ALG9: variants seen among roughly 807,000 people sequenced by gnomAD.
ALG9 encodes the protein alpha-1,2-mannosyltransferase ALG9.
ALG9 carries 55 observed loss-of-function variants against 81.8 expected under a neutral mutation model. The ratio of observed to expected loss-of-function variants is 0.67; its 90% CI spans 0.54 to 0.84. ALG9 has a LOEUF of 0.84. Among genes scored for constraint, ALG9 ranks in the 40% least tolerant of loss-of-function variants. The pLI is 0.00. For missense variants in ALG9, 629 were observed against 745.0 expected, an observed-to-expected ratio of 0.84 and a Z score of 1.81; for synonymous variants, 278 against 274.3, an observed-to-expected ratio of 1.01 and a Z score of -0.13.
rs782449263 is a variant in ALG9 at position 111,870,230 on chromosome 11, A to T, written c.270+2T>A. On this transcript the variant is annotated splice_donor_variant, in intron 2 of 14. Transcript: ENST00000616540. LOFTEE classifies it high-confidence loss of function. ...AAAGAGAAAACTAAAGAAATCACCT[A>T]CTGGCTCCCAGTAGTTGAATGTTTC... The T allele has an allele frequency of 6.2e-7, 1 of 1,608,410 alleles. No individual in the cohort carries two copies. Among genetic ancestry groups the T allele is most frequent in the Non-Finnish European group, 8.5e-7 (1 of 1,178,516 alleles).
At chr11:111,847,776 G>A (rs374224710) in intron 8 of ALG9, among the ~76,000 whole-genome samples, 1 of 152,008 alleles carries the variant, frequency 6.6e-6, no homozygotes, top group South Asian at 2.1e-4. Context: ...TCAACAAAAG[G>A]GTCTGGTACA....
chr11:111,829,589 A>T (rs1352031236), intron 13 of ALG9, among the ~76,000 whole-genome samples: 1 of 152,222 alleles, frequency 6.6e-6, no homozygotes, highest in Non-Finnish European at 1.5e-5. Flanking sequence ...ACCACTCCAG[A>T]TGTAAACAAA....
chr11:111,870,241 G>A lies in ALG9; in HGVS notation c.261C>T (p.Tyr87=). 2 of 1,609,858 alleles carry A rather than the reference G, an allele frequency of 1.2e-6. No homozygotes were observed. Among genetic ancestry groups the A allele is most frequent in the South Asian group, 1.1e-5 (1 of 89,786 alleles). The change falls in exon 2 of 15, where the codon TAC becomes TAT. Residue 87 remains tyrosine (Y), a synonymous_variant. Transcript: ENST00000616540. ...NISDCDETFN[Y]WEPTHYLIYG... ...TAAAGAAATCACCTACTGGCTCCCA[G>A]TAGTTGAATGTTTCATCACAGTCAG...
At chr11:111,852,375 G>A (rs1957963195) in intron 8 of ALG9, among the ~76,000 whole-genome samples, 1 of 152,190 alleles carries the variant, frequency 6.6e-6, no homozygotes, top group Admixed American at 6.5e-5. Flanking sequence ...TCCTTCAGGG[G>A]CCAAATGAAA....
chr11:111,863,783 C>A (rs1327485829), intron 4 of ALG9, among the ~76,000 whole-genome samples: 2 of 152,088 alleles, frequency 1.3e-5, no homozygotes, highest in African/African-American at 4.8e-5. Context: ...CAGTGATATC[C>A]CACACCGGGA....
intron 8 of ALG9, among the ~76,000 whole-genome samples, chr11:111,848,361 T>C (rs1368604969): frequency 3.3e-5 from 5 of 151,922 alleles, no homozygotes; most frequent in African/African-American, 4.8e-5. Context: ...GCCAGGAAAG[T>C]GTAGAAAGGT....
intron 14 of ALG9, among the ~76,000 whole-genome samples, chr11:111,796,896 C>T (rs1348165619): frequency 6.6e-6 from 1 of 152,124 alleles, no homozygotes; most frequent in African/African-American, 2.4e-5. Flanking sequence ...GAGGGAAGCA[C>T]CATCTGAAGC....
At chr11:111,840,849 G>GAACAA in intron 9 of ALG9, 40 bp from the exon 10 acceptor site, 1 of 1,609,314 alleles carries the variant, frequency 6.2e-7, no homozygotes, top group Non-Finnish European at 8.5e-7. Flanking sequence ...CATTATATTA[G>GAACAA]AACAAAACAA....
intron 10 of ALG9, among the ~76,000 whole-genome samples, chr11:111,838,635 T>G (rs1250409343): frequency 2.0e-5 from 3 of 152,214 alleles, no homozygotes; most frequent in Admixed American, 6.5e-5. Flanking sequence ...ATTATTTGAA[T>G]ATTTTGCTAG....
chr11:111,840,513 T>C, intron 10 of ALG9, 142 bp downstream of exon 10: 1 of 972,778 alleles, frequency 1.0e-6, no homozygotes, highest in Non-Finnish European at 1.6e-6. Context: ...TAAGAAGGTT[T>C]AATAATATGA....
intron 4 of ALG9, among the ~76,000 whole-genome samples, chr11:111,861,145 A>G (rs545958415): frequency 6.6e-6 from 1 of 152,376 alleles, no homozygotes; most frequent in Admixed American, 6.5e-5. Flanking sequence ...GCTAGGAGAT[A>G]GATGAAAATG....
In ALG9 at chr11:111,868,719, A is replaced by G. The variant is rs782662406; in HGVS notation, c.288T>C (p.Tyr96=). 2.5e-6 allele frequency: 4 copies of G among 1,612,970 alleles called. No homozygotes were observed. The highest frequency in any genetic ancestry group is 1.3e-5 in the African/African-American group (1 of 75,050). The change falls in exon 3 of 15, where the codon TAT becomes TAC. Residue 96 remains tyrosine (Y), a synonymous_variant. Transcript: ENST00000616540. ...NYWEPTHYLI[Y]GEGFQTWEYS... ...ATTCCCAAGTCTGAAACCCTTCCCC[A>G]TAGATGAGGTAGTGTGTCTAAAAAT...
At chr11:111,773,693 T>C in the ALG9 span, among the ~76,000 whole-genome samples, 1 of 151,880 alleles carries the variant, frequency 6.6e-6, no homozygotes, top group African/African-American at 2.4e-5. Flanking sequence ...AAATGTTTTG[T>C]TATGGTGTTA....
chr11:111,772,064 T>C, the ALG9 span, among the ~76,000 whole-genome samples: 135 of 152,342 alleles, frequency 8.9e-4, 5 homozygotes, highest in East Asian at 0.021. Context: ...TCACCACATA[T>C]AACAAAGGTA....
intron 13 of ALG9, among the ~76,000 whole-genome samples, chr11:111,828,499 A>G (rs1953763411): frequency 1.3e-5 from 2 of 152,330 alleles, no homozygotes; most frequent in Admixed American, 6.5e-5. Context: ...AAATTGGTAA[A>G]CCACATCTAT....
intron 13 of ALG9, among the ~76,000 whole-genome samples, chr11:111,830,766 G>A (rs1220542918): frequency 6.6e-6 from 1 of 152,170 alleles, no homozygotes; most frequent in Admixed American, 6.6e-5. Context: ...GAGAAGAAAG[G>A]AAAGCATGTC....
chr11:111,774,069 T>TAAAAAAAAAAAAAAAAAA, the ALG9 span, among the ~76,000 whole-genome samples: 4 of 69,732 alleles, frequency 5.7e-5, no homozygotes, highest in African/African-American at 1.2e-4. Context: ...CATATCTTAT[T>TAAAAAAAAAAAAAAAAAA]AAAAAAAAAA....
rs1375016386 is a variant in ALG9 at position 111,871,350 on chromosome 11, A to C, written c.131+2T>G. ...CACGCCCCTGCCGCGCCGCACACGT[A>C]CTCGGTCCGGTGCTCCGCGCCGCCC... On this transcript the variant is annotated splice_donor_variant, in intron 1 of 14. Transcript: ENST00000616540. LOFTEE classifies it high-confidence loss of function. The C allele has an allele frequency of 8.5e-6, 13 of 1,522,376 alleles. No individual in the cohort carries two copies. The highest frequency in any genetic ancestry group is 1.1e-5 in the Non-Finnish European group (13 of 1,141,102). 94.3% of individuals were successfully genotyped at this position (1,522,376 alleles called of 1,614,324 possible).
chr11:111,814,123 C>T (rs1250582521), intron 13 of ALG9, among the ~76,000 whole-genome samples: 4 of 152,214 alleles, frequency 2.6e-5, no homozygotes, highest in South Asian at 4.1e-4. Context: ...AACAAAAACA[C>T]CCGTCAACAG....
Sources: gnomAD v4.1 joint callset for allele counts (sites outside exome capture counted in the v4.1 genomes callset) on GRCh38, gnomAD v4.1.1 for gene constraint, MANE v1.5 for transcripts, NCBI Gene and HGNC (gene_info 2026-07-23, HGNC 2026-07-21) for gene names.